Variants in PARD3B observed in about 807,000 individuals in gnomAD.
The protein encoded by PARD3B is partitioning defective 3 homolog B.
A neutral mutation model predicts 130.2 loss-of-function variants in PARD3B; 103 were observed. The ratio of observed to expected loss-of-function variants is 0.79; its 90% CI spans 0.67 to 0.93. PARD3B has a LOEUF of 0.93. Ranked by LOEUF, PARD3B falls within the 40% of genes least tolerant of loss-of-function variation. The pLI is 0.00. For missense variants in PARD3B, 1,609 were observed against 1,499.2 expected, an observed-to-expected ratio of 1.07 and a Z score of -1.21; for synonymous variants, 583 against 553.2, an observed-to-expected ratio of 1.05 and a Z score of -0.76.
At chr2:204,620,436 C>T (rs1190666641) in intron 1 of PARD3B, among the ~76,000 whole-genome samples, 1 of 152,180 alleles carries the variant, frequency 6.6e-6, no homozygotes, top group Non-Finnish European at 1.5e-5. Flanking sequence ...TGGCATACTT[C>T]ATCTCTGTTA....
chr2:204,827,444 G>T (rs1315715086), intron 2 of PARD3B, among the ~76,000 whole-genome samples: 5 of 152,126 alleles, frequency 3.3e-5, no homozygotes, highest in Non-Finnish European at 7.4e-5. Context: ...GATAGTTACA[G>T]AACTAGGAAA....
At chr2:204,875,519 A>T (rs1385351260) in intron 2 of PARD3B, among the ~76,000 whole-genome samples, 1 of 152,124 alleles carries the variant, frequency 6.6e-6, no homozygotes, top group African/African-American at 2.4e-5. Flanking sequence ...TGGGTCTGAG[A>T]TTCTGTATTT....
At chr2:204,916,329 AT>A (rs1372451070) in intron 2 of PARD3B, among the ~76,000 whole-genome samples, 1 of 152,204 alleles carries the variant, frequency 6.6e-6, no homozygotes, top group Admixed American at 6.5e-5. Context: ...TTTGAACTTT[AT>A]AGGTCAATTT....
At chr2:205,380,901 TATAATATATAAAGAA>T (rs1175821760) in intron 18 of PARD3B, among the ~76,000 whole-genome samples, 2 of 96,196 alleles carry the variant, frequency 2.1e-5, no homozygotes, top group Non-Finnish European at 3.5e-5. Flanking sequence ...AAAGAATATA[TATAATATATAAAGAA>T]TATATATAAT....
At chr2:205,099,917 T>C (rs1166958878) in intron 4 of PARD3B, among the ~76,000 whole-genome samples, 1 of 152,172 alleles carries the variant, frequency 6.6e-6, no homozygotes, top group Admixed American at 6.6e-5. Context: ...TATAAGTCTG[T>C]GAATGTGTAT....
chr2:204,926,927 C>T (rs957137702), intron 2 of PARD3B, among the ~76,000 whole-genome samples: 4 of 151,922 alleles, frequency 2.6e-5, no homozygotes, highest in African/African-American at 9.7e-5. Flanking sequence ...ATATGTGTCA[C>T]CTAACAGCTA....
intron 1 of PARD3B, among the ~76,000 whole-genome samples, chr2:204,670,787 C>T (rs188661053): frequency 6.2e-4 from 94 of 152,186 alleles, no homozygotes; most frequent in African/African-American, 7.9e-4. Flanking sequence ...CCTTTTGTCT[C>T]GTGCAAACTT....
chr2:205,547,399 A>G (rs1402873994), intron 21 of PARD3B, among the ~76,000 whole-genome samples: 1 of 152,190 alleles, frequency 6.6e-6, no homozygotes, highest in Non-Finnish European at 1.5e-5. Flanking sequence ...GTTCAGTTGT[A>G]GAGAGCAACA....
intron 2 of PARD3B, among the ~76,000 whole-genome samples, chr2:204,928,000 A>G (rs1202819979): frequency 6.6e-6 from 1 of 152,168 alleles, no homozygotes; most frequent in Non-Finnish European, 1.5e-5. Flanking sequence ...GTGATTTAAA[A>G]CAGTAAGCAT....
chr2:204,990,986 C>A (rs900665411), intron 3 of PARD3B, among the ~76,000 whole-genome samples: 2 of 152,048 alleles, frequency 1.3e-5, no homozygotes, highest in Non-Finnish European at 2.9e-5. Context: ...TACAGGAACA[C>A]ACAGCTATTA....
At position 205,047,623 on chromosome 2, in the gene PARD3B, G is replaced by T; in HGVS notation, c.437G>T (p.Gly146Val). The change falls in exon 4 of 23, where the codon GGC becomes GTC. Residue 146 changes from glycine to valine, a missense_variant. Transcript: ENST00000406610. Reference sequence around the variant, plus strand: ...AGGAGAAGCAGTGACCCAGTGCCAGGCCCACCTGCTGATACCCAGCCAAGC... The same window carrying T: ...AGGAGAAGCAGTGACCCAGTGCCAGTCCCACCTGCTGATACCCAGCCAAGC... ...LVRRSSDPVP[G>V]PPADTQPSAS... 6.4e-7 allele frequency: 1 copy of T among 1,550,680 alleles called. No individual in the cohort carries two copies. Among genetic ancestry groups the T allele is most frequent in the Non-Finnish European group, 8.7e-7 (1 of 1,146,926 alleles).
chr2:205,505,043 T>G (rs370728069), intron 21 of PARD3B, among the ~76,000 whole-genome samples: 2 of 152,134 alleles, frequency 1.3e-5, no homozygotes, highest in Non-Finnish European at 2.9e-5. Context: ...ATATACACCA[T>G]GGAAAACTAT....
chr2:205,500,902 T>G (rs935776046), intron 21 of PARD3B, among the ~76,000 whole-genome samples: 1 of 152,168 alleles, frequency 6.6e-6, no homozygotes, highest in Non-Finnish European at 1.5e-5. Flanking sequence ...TACTGCGCCT[T>G]TTAGAGCTGC....
chr2:205,426,004 A>G (rs2047132687), intron 19 of PARD3B, among the ~76,000 whole-genome samples: 1 of 152,134 alleles, frequency 6.6e-6, no homozygotes, highest in African/African-American at 2.4e-5. Flanking sequence ...TTATTTTTTT[A>G]TTTATATCAA....
intron 1 of PARD3B, among the ~76,000 whole-genome samples, chr2:204,624,071 A>G (rs1332091039): frequency 6.6e-6 from 1 of 152,162 alleles, no homozygotes; most frequent in East Asian, 1.9e-4. Context: ...TGAAATGTCC[A>G]TCATTTAGAG....
At chr2:204,546,636 C>T (rs2029959507) in intron 1 of PARD3B, among the ~76,000 whole-genome samples, 1 of 152,122 alleles carries the variant, frequency 6.6e-6, no homozygotes, top group Non-Finnish European at 1.5e-5. Context: ...TTGTGAGCTG[C>T]CCTGTCTCAG....
chr2:204,966,382 G>A (rs994138432), intron 3 of PARD3B, among the ~76,000 whole-genome samples: 4 of 152,072 alleles, frequency 2.6e-5, no homozygotes, highest in African/African-American at 7.2e-5. Flanking sequence ...CTGCTGGAAC[G>A]TGGCTGCTGG....
intron 3 of PARD3B, among the ~76,000 whole-genome samples, chr2:205,039,482 A>G (rs1258598918): frequency 2.0e-5 from 3 of 151,750 alleles, no homozygotes; most frequent in Non-Finnish European, 2.9e-5. Flanking sequence ...TTATTTATTT[A>G]TTTTTGAGAC....
chr2:204,825,910 TC>T (rs1211789791), intron 2 of PARD3B, among the ~76,000 whole-genome samples: 1 of 152,160 alleles, frequency 6.6e-6, no homozygotes, highest in Non-Finnish European at 1.5e-5. Context: ...TTGAATCACT[TC>T]CCTTTTTCAC....
Sources: allele counts gnomAD v4.1 joint callset (sites outside exome capture counted in the v4.1 genomes callset), GRCh38; gene constraint gnomAD v4.1.1; transcripts MANE v1.5; gene names NCBI Gene and HGNC (gene_info 2026-07-23, HGNC 2026-07-21).